Variants in ICOS observed in about 807,000 individuals in gnomAD.
ICOS encodes the protein inducible T cell costimulator.
In ICOS, 15 loss-of-function variants were observed where a neutral mutation model predicts 24.6. The observed-to-expected ratio is 0.61, with a 90% confidence interval of 0.41 to 0.94. The LOEUF (loss-of-function observed/expected upper bound fraction) is 0.94. Ranked by LOEUF, ICOS falls within the 40% of genes least tolerant of loss-of-function variation. ICOS has a pLI of 0.00. For synonymous variants in ICOS, 89 were observed against 77.5 expected, an observed-to-expected ratio of 1.15 and a Z score of -0.78; for missense variants, 200 against 233.0, an observed-to-expected ratio of 0.86 and a Z score of 0.92.
intron 1 of ICOS, among the ~76,000 whole-genome samples, chr2:203,938,142 T>A (rs58800236): frequency 0.17 from 25,592 of 152,140 alleles, 3,700 homozygotes; most frequent in African/African-American, 0.38. Flanking sequence ...ATCCCATTGA[T>A]TAATGATAAT....
At chr2:203,943,151 A>G (rs1405620072) in intron 1 of ICOS, among the ~76,000 whole-genome samples, 1 of 152,032 alleles carries the variant, frequency 6.6e-6, no homozygotes, top group Non-Finnish European at 1.5e-5. Context: ...ATTCTTTTTC[A>G]GGTAGATGAA....
intron 1 of ICOS, among the ~76,000 whole-genome samples, chr2:203,950,641 C>T (rs899493426): frequency 5.3e-5 from 8 of 152,272 alleles, no homozygotes; most frequent in Non-Finnish European, 1.0e-4. Flanking sequence ...AGCTGTCAAG[C>T]GGTTTTCCAG....
At chr2:203,948,368 A>C (rs1689909157) in intron 1 of ICOS, among the ~76,000 whole-genome samples, 1 of 152,226 alleles carries the variant, frequency 6.6e-6, no homozygotes, top group Non-Finnish European at 1.5e-5. Flanking sequence ...TGATAAATGC[A>C]AATGGAAAAT....
chr2:203,948,493 C>G (rs150651613), intron 1 of ICOS, among the ~76,000 whole-genome samples: 1 of 152,174 alleles, frequency 6.6e-6, no homozygotes, highest in Non-Finnish European at 1.5e-5. Context: ...TTCATTTGTT[C>G]GCCCATCCAA....
intron 2 of ICOS, 122 bp downstream of exon 2, chr2:203,956,093 T>C: frequency 1.5e-6 from 1 of 667,724 alleles, no homozygotes; most frequent in East Asian, 2.7e-5. Context: ...TAGATGCAGT[T>C]GATGGTAATC....
At chr2:203,938,756 C>A (rs1689710858) in intron 1 of ICOS, among the ~76,000 whole-genome samples, 2 of 152,122 alleles carry the variant, frequency 1.3e-5, no homozygotes, top group Admixed American at 1.3e-4. Context: ...CCAGATTAAG[C>A]TGACGAATAA....
At chr2:203,951,636 C>T (rs1036652384) in intron 1 of ICOS, among the ~76,000 whole-genome samples, 2 of 152,132 alleles carry the variant, frequency 1.3e-5, no homozygotes, top group African/African-American at 2.4e-5. Flanking sequence ...AAATCATCTT[C>T]GGAAGTAGAA....
chr2:203,948,609 G>A (rs1477103191), intron 1 of ICOS, among the ~76,000 whole-genome samples: 1 of 152,210 alleles, frequency 6.6e-6, no homozygotes, highest in African/African-American at 2.4e-5. Flanking sequence ...AAGGTCCCTG[G>A]TTTTAAAGCT....
rs1196963607 is a variant in ICOS at position 203,959,598 on chromosome 2, A to G, written c.599A>G (p.Ter200=). The change falls in exon 5 of 5, where the codon TAA becomes TGA. Residue 200 remains the stop codon, a stop_retained_variant. Transcript: ENST00000316386. ...ATTTTTGTTACAGATGTGACCCTAT[A>G]ATATGGAACTCTGGCACCCAGGCAT... The part of the protein sequence containing the change: ...KKSRLTDVTL[*] The G allele has an allele frequency of 1.1e-5, 18 of 1,613,080 alleles. No individual in the cohort carries two copies. The highest frequency in any genetic ancestry group is 1.4e-5 in the Non-Finnish European group (17 of 1,179,322).
In ICOS at chr2:203,940,981, T is replaced by G. The variant is rs540799035; in HGVS notation, c.58+4109T>G. ...TTGTATTTTTCGTAGAGACGGGGTT[T>G]CACCGTGTTAGCCAGGATGGTCTCA... On this transcript the variant is annotated intron_variant, in intron 1 of 4. Coordinates refer to ENST00000316386, the MANE Select transcript of ICOS (RefSeq NM_012092.4). Among the ~76,000 whole-genome samples, 351 of 152,304 alleles carry G rather than the reference T, an allele frequency of 2.3e-3. 5 individuals carry two copies. The highest frequency in any genetic ancestry group is 8.2e-4 in the Non-Finnish European group (56 of 68,024).
chr2:203,950,855 A>T (rs1581604030), intron 1 of ICOS, among the ~76,000 whole-genome samples: 3 of 152,254 alleles, frequency 2.0e-5, no homozygotes, highest in Admixed American at 6.5e-5. Flanking sequence ...AGGTAAAGAG[A>T]TGGAGACCAT....
rs999500817 is a variant in ICOS, at chr2:203,938,225, G to T, written c.58+1353G>T. Among the ~76,000 whole-genome samples the T allele has an allele frequency of 1.9e-4, 29 of 152,230 alleles. 1 individual carries two copies. Among genetic ancestry groups the T allele is most frequent in the Non-Finnish European group, 1.2e-4 (8 of 68,040 alleles). On this transcript the variant is annotated intron_variant, in intron 1 of 4. Transcript: ENST00000316386. ...TAGACTGGGTGGGTGTGGAGGTGTAGCTGAGGAGCAGGGTTCATTGAAGTC... is the reference window on the plus strand; with the variant it reads ...TAGACTGGGTGGGTGTGGAGGTGTATCTGAGGAGCAGGGTTCATTGAAGTC...
At chr2:203,953,735 G>A (rs1690025040) in intron 1 of ICOS, among the ~76,000 whole-genome samples, 1 of 152,064 alleles carries the variant, frequency 6.6e-6, no homozygotes, top group African/African-American at 2.4e-5. Context: ...AAAGCAAAAT[G>A]CTGAAAATAA....
intron 1 of ICOS, among the ~76,000 whole-genome samples, chr2:203,945,843 G>T (rs1236242686): frequency 6.6e-6 from 1 of 152,214 alleles, no homozygotes; most frequent in Non-Finnish European, 1.5e-5. Flanking sequence ...ACCAGATAGT[G>T]ATGTTGAAAG....
chr2:203,959,015 T>TATC (rs1690124527), intron 4 of ICOS, among the ~76,000 whole-genome samples: 1 of 152,098 alleles, frequency 6.6e-6, no homozygotes, highest in Admixed American at 6.5e-5. Flanking sequence ...GGCGCATTAT[T>TATC]ATCAAGGTCT....
intron 1 of ICOS, among the ~76,000 whole-genome samples, chr2:203,948,463 A>T (rs975890645): frequency 1.3e-5 from 2 of 152,226 alleles, no homozygotes; most frequent in African/African-American, 4.8e-5. Context: ...CCTCAGATTT[A>T]AAATGTCACC....
rs1335754145 is a variant in ICOS at position 203,955,913 on chromosome 2, A to C, written c.336A>C (p.Ser112=). The stretch of plus-strand genomic sequence containing the variant: ...CCAACTATTACTTCTGCAACCTATC[A>C]ATTTTTGATCCTCCTCCTTTTAAAG... ...SHANYYFCNL[S]IFDPPPFKVT... The change falls in exon 2 of 5, where the codon TCA becomes TCC. Residue 112 remains serine, a synonymous_variant. Transcript: ENST00000316386. The C allele has an allele frequency of 6.8e-6, 11 of 1,613,144 alleles. No homozygotes were observed. The highest frequency in any genetic ancestry group is 9.3e-6 in the Non-Finnish European group (11 of 1,179,334).
chr2:203,954,095 G>A (rs971246696), intron 1 of ICOS, among the ~76,000 whole-genome samples: 3 of 152,030 alleles, frequency 2.0e-5, no homozygotes, highest in African/African-American at 7.3e-5. Context: ...AACAATTTCA[G>A]CATGAAAATT....
chr2:203,953,951 A>G (rs1690029093), intron 1 of ICOS, among the ~76,000 whole-genome samples: 1 of 152,372 alleles, frequency 6.6e-6, no homozygotes, highest in South Asian at 2.1e-4. Flanking sequence ...AAATATACAA[A>G]TAGTATTTCT....
Sources: allele counts gnomAD v4.1 joint callset (sites outside exome capture counted in the v4.1 genomes callset), GRCh38; gene constraint gnomAD v4.1.1; transcripts MANE v1.5; gene names NCBI Gene and HGNC (gene_info 2026-07-23, HGNC 2026-07-21).